LIPA: variants seen among roughly 807,000 people sequenced by gnomAD.
LIPA encodes lipase A, lysosomal acid type, also known as lysosomal acid lipase/cholesteryl ester hydrolase.
A neutral mutation model predicts 40.6 loss-of-function variants in LIPA; 26 were observed. The observed-to-expected ratio is 0.64, with a 90% CI of 0.47 to 0.89. The LOEUF is 0.89. Among genes scored for constraint, LIPA ranks in the 40% least tolerant of loss-of-function variants. LIPA has a pLI of 0.00. For missense variants in LIPA, 455 were observed against 479.6 expected (o/e 0.95, Z 0.48); for synonymous variants, 188 against 168.4 (o/e 1.12, Z -0.90).
intron 2 of LIPA, among the ~76,000 whole-genome samples, chr10:89,355,797 T>A (rs1406961773): frequency 6.6e-6 from 1 of 152,226 alleles, no homozygotes; most frequent in African/African-American, 2.4e-5. Flanking sequence ...AGCATTATAA[T>A]TTAGCATTAG....
chr10:89,384,552 T>A, intron 2 of LIPA: 1 of 1,614,172 alleles, frequency 6.2e-7, no homozygotes. Context: ...AAATGTCCCA[T>A]TCCAGGGAAA....
intron 2 of LIPA, among the ~76,000 whole-genome samples, chr10:89,378,405 A>G (rs778934824): frequency 7.9e-5 from 12 of 152,144 alleles, no homozygotes; most frequent in Non-Finnish European, 5.9e-5. Context: ...GTTGGTTTAC[A>G]ACAGTGGTAA....
chr10:89,258,304 T>A (rs1411218771), intron 1 of LIPA, among the ~76,000 whole-genome samples: 1 of 152,000 alleles, frequency 6.6e-6, no homozygotes, highest in African/African-American at 2.4e-5. Context: ...ACACATACAT[T>A]TGAAAGTTAA....
chr10:89,360,466 A>G (rs553272669), intron 2 of LIPA, among the ~76,000 whole-genome samples: 83 of 152,378 alleles, frequency 5.4e-4, no homozygotes, highest in Middle Eastern at 3.4e-3. Flanking sequence ...CAAGGGACAC[A>G]TATACTCACA....
rs115425887 is a variant in LIPA at position 89,282,812 on chromosome 10, C to A, written c.-1-35163G>T. Among the ~76,000 whole-genome samples, 1,031 of 152,270 alleles carry A rather than the reference C, an allele frequency of 6.8e-3. 11 individuals carry two copies. Among genetic ancestry groups the A allele is most frequent in the African/African-American group, 0.024 (986 of 41,548 alleles). ...AAGCAGTGCATTTCAGAGTTGAAAT[C>A]AGAAACTATATAGTTTAGATCCAGA... On this transcript the variant is annotated intron_variant, in intron 1 of 5. Transcript: ENST00000282673.
chr10:89,253,765 T>G (rs553850357), upstream of LIPA, among the ~76,000 whole-genome samples: 1 of 152,324 alleles, frequency 6.6e-6, no homozygotes, highest in Non-Finnish European at 1.5e-5. Context: ...GTTAGTTGCT[T>G]CTTAGATACA....
At chr10:89,301,514 G>A (rs935811340) in intron 1 of LIPA, among the ~76,000 whole-genome samples, 1 of 152,158 alleles carries the variant, frequency 6.6e-6, no homozygotes, top group African/African-American at 2.4e-5. Flanking sequence ...ATTCCACAAA[G>A]AGGAAGTTCT....
At chr10:89,349,970 C>T (rs998249488) in intron 2 of LIPA, among the ~76,000 whole-genome samples, 10 of 152,108 alleles carry the variant, frequency 6.6e-5, no homozygotes, top group Admixed American at 6.5e-4. Context: ...AACGGGATAA[C>T]AACCTTATCA....
intron 1 of LIPA, among the ~76,000 whole-genome samples, chr10:89,269,077 C>T (rs1843252329): frequency 1.3e-5 from 2 of 151,974 alleles, no homozygotes; most frequent in Non-Finnish European, 2.9e-5. Flanking sequence ...CTAATCCCAG[C>T]ACTTTGGGAG....
rs1564814703 is a variant in LIPA at position 89,409,746 on chromosome 10, C to T, written c.61+3045G>A. Among the ~76,000 whole-genome samples, 3 of 152,338 alleles carry T rather than the reference C, an allele frequency of 2.0e-5. No homozygotes were observed. In the East Asian group the frequency reaches 5.8e-4, roughly 29 times the overall value. Reference sequence around the variant, plus strand: ...CAAGGAATCCTGGGACAGCCTGTAACCAGGTGTTTCTCCCACCTCCTCAGA... The same window carrying T: ...CAAGGAATCCTGGGACAGCCTGTAATCAGGTGTTTCTCCCACCTCCTCAGA... On this transcript the variant is annotated intron_variant, in intron 2 of 8. Coordinates refer to the LIPA transcript ENST00000371837.
chr10:89,405,357 A>C (rs1844513293), intron 2 of LIPA: 1 of 152,362 alleles, frequency 6.6e-6, no homozygotes, highest in East Asian at 1.9e-4. Flanking sequence ...TATTTTATTG[A>C]AAGGCAAGGC....
chr10:89,330,787 A>G (rs971265714), intron 1 of LIPA, among the ~76,000 whole-genome samples: 16 of 152,198 alleles, frequency 1.1e-4, no homozygotes, highest in Admixed American at 1.3e-4. Flanking sequence ...TCACCACATT[A>G]GCTCCATAAA....
intron 1 of LIPA, among the ~76,000 whole-genome samples, chr10:89,250,556 C>T (rs2243548): frequency 0.59 from 89,898 of 151,930 alleles, 27,357 homozygotes; most frequent in South Asian, 0.74. Flanking sequence ...CCCAAAAGTC[C>T]ATTATTACTA....
At chr10:89,414,039 A>G (rs1841504488) in intron 1 of LIPA, among the ~76,000 whole-genome samples, 1 of 152,198 alleles carries the variant, frequency 6.6e-6, no homozygotes, top group African/African-American at 2.4e-5. Flanking sequence ...GGTCCTTATT[A>G]CAAAGCACCA....
intron 2 of LIPA, among the ~76,000 whole-genome samples, chr10:89,377,471 A>G (rs1844130264): frequency 6.6e-6 from 1 of 152,230 alleles, no homozygotes; most frequent in Admixed American, 6.5e-5. Flanking sequence ...CAGGGTTGGC[A>G]GTAATGCAAA....
At chr10:89,402,935 G>T in intron 2 of LIPA, 1 of 1,614,148 alleles carries the variant, frequency 6.2e-7, no homozygotes, top group South Asian at 1.1e-5. Flanking sequence ...GATATATTAA[G>T]GTTCTCCTTG....
At chr10:89,365,713 T>A (rs565207235) in intron 2 of LIPA, among the ~76,000 whole-genome samples, 2 of 152,288 alleles carry the variant, frequency 1.3e-5, no homozygotes, top group South Asian at 4.1e-4. Flanking sequence ...AGGGAATCCT[T>A]TCCCCATTGC....
intron 1 of LIPA, chr10:89,340,427 T>G (rs12251895): frequency 0.059 from 11,299 of 191,030 alleles, 958 homozygotes; most frequent in African/African-American, 0.2. Context: ...GCGTGGTGGC[T>G]GGCACCTGTA....
chr10:89,340,228 G>C, intron 1 of LIPA: 9 of 1,272,152 alleles, frequency 7.1e-6, no homozygotes, highest in Non-Finnish European at 9.6e-6. Flanking sequence ...TGCTGAGCAG[G>C]GAAGCTTTGC....
Sources: allele counts gnomAD v4.1 joint callset (sites outside exome capture counted in the v4.1 genomes callset), GRCh38; gene constraint gnomAD v4.1.1; transcripts MANE v1.5; gene names NCBI Gene and HGNC (gene_info 2026-07-23, HGNC 2026-07-21).